The following SELENBP1 variants were observed in gnomAD, a reference collection of about 807,000 sequenced individuals.
SELENBP1 encodes methanethiol oxidase.
A neutral mutation model predicts 61.0 loss-of-function variants in SELENBP1; 71 were observed. That is an observed-to-expected ratio of 1.16 (90% CI 0.96 to 1.42). SELENBP1 has a LOEUF of 1.42. Among genes scored for constraint, SELENBP1 ranks in the 40% most tolerant of loss-of-function variants. SELENBP1 has a pLI of 0.00. For synonymous variants in SELENBP1, 270 were observed against 238.9 expected, an observed-to-expected ratio of 1.13 and a Z score of -1.20; for missense variants, 561 against 605.0, an observed-to-expected ratio of 0.93 and a Z score of 0.76.
At chr1:151,367,991 A>G (rs1468818843) in intron 5 of SELENBP1, among the ~76,000 whole-genome samples, 3 of 152,194 alleles carry the variant, frequency 2.0e-5, no homozygotes, top group African/African-American at 7.2e-5. Flanking sequence ...CTTTGAACTG[A>G]ATTCATCAGT....
At chr1:151,372,488 AG>A (rs745568214) in intron 1 of SELENBP1, 149 bp downstream of exon 1, 47 of 934,106 alleles carry the variant, frequency 5.0e-5, no homozygotes, top group Non-Finnish European at 7.9e-5. Context: ...GTGGTGGGGG[AG>A]GGGGTGTGCA....
rs1487686664 is a variant in SELENBP1, at chr1:151,365,572, G to A, written c.1035C>T (p.Leu345=). The A allele has an allele frequency of 1.9e-6, 3 of 1,613,978 alleles. No homozygotes were observed. The highest frequency in any genetic ancestry group is 1.3e-5 in the African/African-American group (1 of 74,882). ...CTGCCAGGGTCTCCACCTGTCCTGT[G>A]AGGCGGGGTCTCTGTGGGTCAGAGA... The part of the protein sequence containing the change: ...YDISDPQRPR[L]TGQLFLGGSI... The change falls in exon 9 of 12, where the codon CTC becomes CTT. Residue 345 remains leucine (L), a synonymous_variant. Coordinates refer to ENST00000368868, the MANE Select transcript of SELENBP1 (RefSeq NM_003944.4).
intron 5 of SELENBP1, among the ~76,000 whole-genome samples, chr1:151,367,512 A>G (rs1031822162): frequency 6.6e-6 from 1 of 152,022 alleles, no homozygotes; most frequent in African/African-American, 2.4e-5. Context: ...CTCTCAGACC[A>G]CAGCAGAAAC....
In SELENBP1 at chr1:151,364,722, T is replaced by TGGGGTAA; in HGVS notation, c.1257-24_1257-18dup. Reference sequence around the variant, plus strand: ...GAGCCTTCCCTGGTGGAAAAGGGAATGGGGTAAGGGAGAGGTCAGAGGTGG... The same window carrying TGGGGTAA: ...GAGCCTTCCCTGGTGGAAAAGGGAATGGGGTAAGGGGTAAGGGAGAGGTCAGAGGTGG... On this transcript the variant is annotated splice_polypyrimidine_tract_variant and intron_variant, in intron 11 of 11. Transcript: ENST00000368868. 6.4e-7 allele frequency: 1 copy of TGGGGTAA among 1,568,420 alleles called. No individual in the cohort carries two copies.
intron 4 of SELENBP1, 96 bp from the exon 5 acceptor site, chr1:151,368,415 C>A: frequency 6.6e-7 from 1 of 1,503,950 alleles, no homozygotes; most frequent in South Asian, 1.2e-5. Flanking sequence ...CTGACTCTGT[C>A]ATCTTTTCCT....
In SELENBP1 at chr1:151,364,598, A is replaced by G. The variant is rs751093675; in HGVS notation, c.1364T>C (p.Leu455Pro). The change falls in exon 12 of 12, where the codon CTT (leucine) becomes CCT (proline). Residue 455 changes from leucine to proline, a missense_variant. Physicochemically the swap from Leu to Pro is moderately conservative, Grantham distance 98. Coordinates refer to ENST00000368868, the MANE Select transcript of SELENBP1 (RefSeq NM_003944.4). ...CCCAGGGTAGCGGAGCTCATGGGCAAGGGCTGGGCCAAGGGGCTCCTTCCC... is the reference window on the plus strand; with the variant it reads ...CCCAGGGTAGCGGAGCTCATGGGCAGGGGCTGGGCCAAGGGGCTCCTTCCC... ...DFGKEPLGPA[L>P]AHELRYPGGD... 15 of 1,614,056 alleles carry G rather than the reference A, an allele frequency of 9.3e-6. No individual in the cohort carries two copies. The South Asian group carries it at 1.6e-4, about 18-fold the overall frequency.
rs375401678 is a variant in SELENBP1 at position 151,366,738 on chromosome 1, G to T, written c.648C>A (p.Pro216=). The change falls in exon 6 of 12, where the codon CCC becomes CCA. Residue 216 remains proline (P), a synonymous_variant. Coordinates refer to ENST00000368868, the MANE Select transcript of SELENBP1 (RefSeq NM_003944.4). ...APNVLRDGFN[P]ADVEAGLYGS... is the part of the protein sequence containing the mutation. ...GATTCTCACCAGCCTCCACATCAGC[G>T]GGGTTGAAGCCATCTCGTAAGACAT... 1.4e-5 allele frequency: 23 copies of T among 1,613,894 alleles called. No individual in the cohort carries two copies. The highest frequency in any genetic ancestry group is 2.7e-5 in the African/African-American group (2 of 74,908).
chr1:151,367,167 A>C, intron 5 of SELENBP1: 1 of 637,556 alleles, frequency 1.6e-6, no homozygotes. Context: ...ACATGGTGAA[A>C]CTCTGTCTCT....
At chr1:151,371,204 C>T (rs1053810727) in intron 1 of SELENBP1, among the ~76,000 whole-genome samples, 2 of 151,864 alleles carry the variant, frequency 1.3e-5, no homozygotes, top group Non-Finnish European at 2.9e-5. Context: ...ACTAACATGG[C>T]AAAACCCTGT....
chr1:151,364,825 G>A, intron 11 of SELENBP1, 101 bp downstream of exon 11: 1 of 1,484,650 alleles, frequency 6.7e-7, no homozygotes, highest in Non-Finnish European at 9.2e-7. Context: ...GGCCATCTGT[G>A]TGGTGGGGTA....
chr1:151,365,373 C>A, intron 9 of SELENBP1, 92 bp from the exon 10 acceptor site: 1 of 1,479,514 alleles, frequency 6.8e-7, no homozygotes, highest in Non-Finnish European at 9.4e-7. Flanking sequence ...ACCCCTCTCT[C>A]CTTTCAGACA....
At chr1:151,367,676 G>A (rs1394359691) in intron 5 of SELENBP1, among the ~76,000 whole-genome samples, 1 of 152,196 alleles carries the variant, frequency 6.6e-6, no homozygotes, top group Non-Finnish European at 1.5e-5. Flanking sequence ...AAGCTGAAGT[G>A]CTGTGGTTCA....
intron 7 of SELENBP1, 29 bp from the exon 8 acceptor site, chr1:151,365,875 G>C (rs1438963731): frequency 3.7e-6 from 6 of 1,611,648 alleles, no homozygotes; most frequent in Non-Finnish European, 4.2e-6. Context: ...GGTGAGGTTA[G>C]CTGGCAGAGA....
chr1:151,365,036 C>T lies in SELENBP1; in HGVS notation c.1146G>A (p.Arg382=). 6.2e-7 allele frequency: 1 copy of T among 1,607,350 alleles called. No individual in the cohort carries two copies. Among genetic ancestry groups the T allele is most frequent in the Non-Finnish European group, 8.5e-7 (1 of 1,177,158 alleles). Residue 382 remains arginine, a synonymous_variant, in exon 11 of 12, where the codon CGG becomes CGA. Transcript: ENST00000368868. ...QPEPLVVKGK[R]VAGGPQMIQL... The stretch of plus-strand genomic sequence containing the variant: ...GGATCATCTGAGGGCCTCCAGCCAC[C>T]CGTTTTCCCTTGGGAAAACCAGGGG...
intron 7 of SELENBP1, 85 bp from the exon 8 acceptor site, chr1:151,365,931 C>G: frequency 6.9e-7 from 1 of 1,452,728 alleles, no homozygotes; most frequent in South Asian, 1.2e-5. Context: ...TCTGGGTTGC[C>G]CAGACCTGGG....
rs753649664 is a variant in SELENBP1, at chr1:151,364,493, C to G, written c.*50G>C. 64 of 1,611,280 alleles carry G rather than the reference C, an allele frequency of 4.0e-5. No individual in the cohort carries two copies. The Admixed American group carries it at 1.1e-3, about 26-fold the overall frequency. On this transcript the variant is annotated 3_prime_UTR_variant, in exon 12 of 12. Coordinates refer to ENST00000368868, the MANE Select transcript of SELENBP1 (RefSeq NM_003944.4). ...GAGAGAGCAGAATGAAGCCAGGTCC[C>G]CAAGGAAGTGAGGGCCCAAAATAGG...
At chr1:151,371,819 G>A (rs942609452) in intron 1 of SELENBP1, among the ~76,000 whole-genome samples, 4 of 152,098 alleles carry the variant, frequency 2.6e-5, no homozygotes, top group African/African-American at 9.7e-5. Flanking sequence ...GTCAGGCCTG[G>A]CATGCCACTG....
At position 151,366,362 on chromosome 1, in the gene SELENBP1, C is replaced by G. The variant is rs762922279; in HGVS notation, c.756G>C (p.Glu252Asp). Residue 252 changes from glutamate (E) to aspartate (D), a missense_variant, in exon 7 of 12, where the codon GAG becomes GAC. By Grantham distance (45) the Glu-to-Asp change is conservative. Transcript: ENST00000368868. ...LSLKDGLIPL[E>D]IRFLHNPDAA... The stretch of plus-strand genomic sequence containing the variant: ...CGTCTGGGTTGTGCAGGAAGCGGAT[C>G]TCCAAGGGAATAAGCCCATCTTTTA... 13 of 1,614,196 alleles carry G rather than the reference C, an allele frequency of 8.1e-6. No homozygotes were observed. Among genetic ancestry groups the G allele is most frequent in the Non-Finnish European group, 1.1e-5 (13 of 1,180,040 alleles).
Position 151,369,040 on chromosome 1 carries a change from G to A in SELENBP1, c.324C>T (p.Asp108=), listed in dbSNP as rs762657586. 87 of 1,612,958 alleles carry A rather than the reference G, an allele frequency of 5.4e-5. No individual in the cohort carries two copies. The highest frequency in any genetic ancestry group is 7.1e-5 in the Non-Finnish European group (84 of 1,179,164). Reference sequence around the variant, plus strand: ...TTGGGGCCCGGGGCTCAGAGCCCACGTCCACCACATAGATGCGAGAGGAGA... The same window carrying A: ...TTGGGGCCCGGGGCTCAGAGCCCACATCCACCACATAGATGCGAGAGGAGA... ...SLISSRIYVV[D]VGSEPRAPKL... is the part of the protein sequence containing the mutation. The change falls in exon 4 of 12, where the codon GAC becomes GAT. Residue 108 remains aspartate (D), a synonymous_variant. Coordinates refer to ENST00000368868, the MANE Select transcript of SELENBP1 (RefSeq NM_003944.4).
Sources: allele counts gnomAD v4.1 joint callset (sites outside exome capture counted in the v4.1 genomes callset), GRCh38; gene constraint gnomAD v4.1.1; transcripts MANE v1.5; gene names NCBI Gene and HGNC (gene_info 2026-07-23, HGNC 2026-07-21).